Variants in ZNF438 observed in about 807,000 individuals in gnomAD.
ZNF438 encodes the protein zinc finger protein 438.
ZNF438 carries 25 observed loss-of-function variants against 38.0 expected under a neutral mutation model. The observed-to-expected ratio is 0.66, with a 90% CI of 0.48 to 0.92. The LOEUF (loss-of-function observed/expected upper bound fraction) is 0.92. Ranked by LOEUF, ZNF438 falls within the 40% of genes least tolerant of loss-of-function variation. ZNF438 has a pLI of 0.00. For synonymous variants in ZNF438, 372 were observed against 364.1 expected (o/e 1.02, Z -0.25); for missense variants, 1,007 against 999.6 (o/e 1.01, Z -0.10).
chr10:31,013,188 G>T (rs1001667280), intron 1 of ZNF438, among the ~76,000 whole-genome samples: 1 of 152,054 alleles, frequency 6.6e-6, no homozygotes, highest in Non-Finnish European at 1.5e-5. Context: ...GCGCGGTGGC[G>T]GGCGCCTGTA....
At chr10:30,933,323 C>A (rs953638165) in intron 2 of ZNF438, among the ~76,000 whole-genome samples, 3 of 152,196 alleles carry the variant, frequency 2.0e-5, no homozygotes, top group Non-Finnish European at 2.9e-5. Context: ...CTGGTTACTG[C>A]CACATGCAAG....
In ZNF438 at chr10:30,888,173, T is replaced by C. The variant is rs577333236; in HGVS notation, c.-31-11108A>G. ...GGGAGTGGAATTATTAAGTGGTCTA[T>C]TAAGCACGGACCACTTAACTTTAGA... On this transcript the variant is annotated intron_variant, in intron 3 of 5. Transcript: ENST00000413025. Among the ~76,000 whole-genome samples the C allele has an allele frequency of 2.6e-5, 4 of 152,324 alleles. No homozygotes were observed. The South Asian group carries it at 6.2e-4, about 24-fold the overall frequency.
At chr10:31,030,872 A>G (rs559328791) in intron 1 of ZNF438, among the ~76,000 whole-genome samples, 3 of 152,352 alleles carry the variant, frequency 2.0e-5, no homozygotes, top group Non-Finnish European at 4.4e-5. Context: ...GTCAGATACG[A>G]TGATTGGATA....
chr10:30,892,651 TC>T (rs1459647763), intron 3 of ZNF438, among the ~76,000 whole-genome samples: 2 of 152,180 alleles, frequency 1.3e-5, no homozygotes, highest in East Asian at 3.9e-4. Flanking sequence ...CTCATTCTAT[TC>T]CCCCAATTCC....
intron 1 of ZNF438, among the ~76,000 whole-genome samples, chr10:30,957,260 GT>G (rs1477587858): frequency 6.6e-6 from 1 of 152,132 alleles, no homozygotes; most frequent in Non-Finnish European, 1.5e-5. Flanking sequence ...TTGCTATTGA[GT>G]TGTTCAGATT....
intron 4 of ZNF438, among the ~76,000 whole-genome samples, chr10:30,866,243 C>G (rs947041155): frequency 6.6e-6 from 1 of 152,188 alleles, no homozygotes; most frequent in Admixed American, 6.5e-5. Flanking sequence ...GACAAGCACT[C>G]AATTCAGCCG....
At chr10:30,939,246 A>G (rs928408622) in intron 2 of ZNF438, among the ~76,000 whole-genome samples, 4 of 152,190 alleles carry the variant, frequency 2.6e-5, no homozygotes, top group African/African-American at 7.2e-5. Flanking sequence ...TTACAGCATG[A>G]CAACCTCAAT....
chr10:30,941,816 T>A (rs1027500363), intron 1 of ZNF438, among the ~76,000 whole-genome samples, 165 bp from the exon 3 acceptor site: 17 of 152,166 alleles, frequency 1.1e-4, no homozygotes, highest in Non-Finnish European at 2.1e-4. Context: ...AAAATAAAAA[T>A]CTCAAGCTGT....
chr10:30,885,779 G>C lies in ZNF438; in HGVS notation c.-31-8714C>G, dbSNP rs2039876559. Among the ~76,000 whole-genome samples, 6 of 152,100 alleles carry C rather than the reference G, an allele frequency of 3.9e-5. 1 individual carries two copies. In the South Asian group the frequency reaches 1.2e-3, roughly 31 times the overall value. On this transcript the variant is annotated intron_variant, in intron 3 of 5. Transcript: ENST00000413025. Reference sequence around the variant, plus strand: ...TCTCTGTGCAACTATTAAAAATAAAGGAAAGTCAGTAAAACAAAGAATGGC... The same window carrying C: ...TCTCTGTGCAACTATTAAAAATAAACGAAAGTCAGTAAAACAAAGAATGGC...
intron 3 of ZNF438, among the ~76,000 whole-genome samples, chr10:30,886,117 CT>C (rs1453223893): frequency 2.6e-5 from 4 of 152,128 alleles, no homozygotes; most frequent in Non-Finnish European, 5.9e-5. Flanking sequence ...TGAGTGAAGC[CT>C]TTTATTGTTA....
At chr10:30,918,470 C>CTT (rs1356292244) in intron 2 of ZNF438, among the ~76,000 whole-genome samples, 6 of 151,938 alleles carry the variant, frequency 3.9e-5, no homozygotes, top group Non-Finnish European at 8.8e-5. Context: ...TTTTGCATGT[C>CTT]TTTTGTTGAA....
exon 6 of ZNF438, chr10:30,845,182 T>C (rs1255525110): frequency 6.2e-7 from 1 of 1,614,134 alleles, no homozygotes; most frequent in Non-Finnish European, 8.5e-7. Context: ...CCCTGGCAGG[T>C]TTCCCTTGGC....
chr10:30,880,832 C>T (rs751041762), intron 3 of ZNF438, among the ~76,000 whole-genome samples: 26 of 152,196 alleles, frequency 1.7e-4, no homozygotes, highest in Admixed American at 5.9e-4. Context: ...ACTGGTTTAA[C>T]ATTCAAAATA....
At chr10:31,027,826 T>C (rs1191137560) in intron 1 of ZNF438, among the ~76,000 whole-genome samples, 1 of 152,172 alleles carries the variant, frequency 6.6e-6, no homozygotes, top group Admixed American at 6.5e-5. Flanking sequence ...GTTATTTAGA[T>C]ACTTTCCCAA....
chr10:30,847,075 G>T (rs1425984653), intron 5 of ZNF438, among the ~76,000 whole-genome samples: 1 of 152,196 alleles, frequency 6.6e-6, no homozygotes, highest in Non-Finnish European at 1.5e-5. Context: ...CCCTCAGCAT[G>T]AACAGCCTGG....
chr10:31,014,474 C>T (rs1053487977), intron 1 of ZNF438, among the ~76,000 whole-genome samples: 3 of 152,090 alleles, frequency 2.0e-5, no homozygotes, highest in African/African-American at 7.2e-5. Flanking sequence ...TCATGAGGGC[C>T]CCACCTTCAG....
intron 3 of ZNF438, among the ~76,000 whole-genome samples, chr10:30,899,443 C>T (rs1409410043): frequency 6.6e-6 from 1 of 152,042 alleles, no homozygotes; most frequent in Admixed American, 6.5e-5. Flanking sequence ...AGTTTGGCCA[C>T]CTTATAAGTA....
intron 2 of ZNF438, among the ~76,000 whole-genome samples, chr10:30,927,313 GA>G (rs2045067686): frequency 6.6e-6 from 1 of 152,188 alleles, no homozygotes; most frequent in African/African-American, 2.4e-5. Context: ...TGAATTGCAA[GA>G]ACAGAAAGAA....
At chr10:30,887,381 CT>C (rs751482193) in intron 3 of ZNF438, among the ~76,000 whole-genome samples, 2 of 151,294 alleles carry the variant, frequency 1.3e-5, no homozygotes, top group Non-Finnish European at 3.0e-5. Flanking sequence ...GTAATAAACT[CT>C]TTTTTTTTGA....
Sources: allele counts gnomAD v4.1 joint callset (sites outside exome capture counted in the v4.1 genomes callset), GRCh38; gene constraint gnomAD v4.1.1; transcripts MANE v1.5; gene names NCBI Gene and HGNC (gene_info 2026-07-23, HGNC 2026-07-21).